The following GRIK2 variants were observed in gnomAD, a reference collection of about 807,000 sequenced individuals.
The protein encoded by GRIK2 is glutamate ionotropic receptor kainate type subunit 2.
A neutral mutation model predicts 100.3 loss-of-function variants in GRIK2; 32 were observed. The observed-to-expected ratio is 0.32, with a 90% CI of 0.24 to 0.43. The LOEUF (loss-of-function observed/expected upper bound fraction) is 0.43. Ranked by LOEUF, GRIK2 falls within the 20% of genes least tolerant of loss-of-function variation. The probability of loss-of-function intolerance (pLI) is 1.00; values close to 1 mark genes in which losing one functional copy is unlikely to be tolerated. For missense variants in GRIK2, 843 were observed against 1,114.9 expected (o/e 0.76, Z 3.47); for synonymous variants, 417 against 389.4 (o/e 1.07, Z -0.83).
chr6:101,419,863 T>C (rs568887776), intron 2 of GRIK2, among the ~76,000 whole-genome samples: 15 of 152,316 alleles, frequency 9.8e-5, no homozygotes, highest in African/African-American at 3.6e-4. Flanking sequence ...CCAAAGCAGG[T>C]GTTGCATGCT....
At chr6:101,613,675 A>T (rs1779775337) in intron 2 of GRIK2, among the ~76,000 whole-genome samples, 1 of 151,114 alleles carries the variant, frequency 6.6e-6, no homozygotes, top group South Asian at 2.1e-4. Context: ...ACATTAACTT[A>T]TGGAGCTGGC....
chr6:101,580,022 C>T (rs574685607), intron 2 of GRIK2, among the ~76,000 whole-genome samples: 5 of 152,162 alleles, frequency 3.3e-5, no homozygotes, highest in African/African-American at 9.6e-5. Context: ...TTGGAAAGCC[C>T]CAAGGCTTGA....
At chr6:101,404,429 C>T (rs1055923712) in intron 2 of GRIK2, among the ~76,000 whole-genome samples, 2 of 152,158 alleles carry the variant, frequency 1.3e-5, no homozygotes, top group African/African-American at 4.8e-5. Flanking sequence ...AAATGCCTTG[C>T]TCTTTTGTGG....
chr6:101,695,394 T>A (rs1440181023), intron 7 of GRIK2, among the ~76,000 whole-genome samples: 1 of 152,188 alleles, frequency 6.6e-6, no homozygotes, highest in African/African-American at 2.4e-5. Flanking sequence ...CCACACCTTT[T>A]AATTCTGTTT....
intron 7 of GRIK2, among the ~76,000 whole-genome samples, chr6:101,781,722 A>G (rs1365753234): frequency 6.6e-6 from 1 of 152,016 alleles, no homozygotes; most frequent in African/African-American, 2.4e-5. Context: ...TCCTGGATTT[A>G]TGCTATCTTA....
chr6:101,973,579 CA>C (rs974055337), intron 14 of GRIK2, among the ~76,000 whole-genome samples: 1 of 151,820 alleles, frequency 6.6e-6, no homozygotes, highest in African/African-American at 2.4e-5. Context: ...TTATGAACCT[CA>C]AGATGTTTAC....
intron 6 of GRIK2, among the ~76,000 whole-genome samples, chr6:101,685,632 A>C (rs1337425): frequency 0.05 from 7,670 of 152,206 alleles, 249 homozygotes; most frequent in East Asian, 0.14. Context: ...GGTGTGAGAC[A>C]TGAGATGAAG....
intron 14 of GRIK2, among the ~76,000 whole-genome samples, chr6:102,027,914 G>A (rs1769787280): frequency 6.6e-6 from 1 of 150,976 alleles, no homozygotes; most frequent in African/African-American, 2.4e-5. Context: ...CTATGCAAGT[G>A]GTTCAAGAGT....
chr6:101,633,331 A>ACTAC (rs1780853695), intron 4 of GRIK2, among the ~76,000 whole-genome samples: 1 of 152,140 alleles, frequency 6.6e-6, no homozygotes, highest in African/African-American at 2.4e-5. Context: ...TATTGTGGTT[A>ACTAC]CTACGGTCTT....
intron 11 of GRIK2, among the ~76,000 whole-genome samples, chr6:101,860,156 C>T (rs985204586): frequency 2.2e-4 from 34 of 151,594 alleles, no homozygotes; most frequent in African/African-American, 8.2e-4. Flanking sequence ...CTTGGTGGTA[C>T]AATATGAAGA....
At chr6:101,600,181 G>T (rs1404429536) in intron 2 of GRIK2, among the ~76,000 whole-genome samples, 1 of 151,730 alleles carries the variant, frequency 6.6e-6, no homozygotes, top group Non-Finnish European at 1.5e-5. Context: ...GCTTATTTTT[G>T]TCAACTTTGT....
intron 7 of GRIK2, among the ~76,000 whole-genome samples, chr6:101,718,708 A>T (rs1023303236): frequency 6.6e-6 from 1 of 151,896 alleles, no homozygotes; most frequent in Non-Finnish European, 1.5e-5. Flanking sequence ...GATATCAAAC[A>T]GTTCACCACC....
At chr6:101,902,602 A>G (rs1787922094) in intron 12 of GRIK2, among the ~76,000 whole-genome samples, 1 of 151,982 alleles carries the variant, frequency 6.6e-6, no homozygotes, top group South Asian at 2.1e-4. Flanking sequence ...CTTTAGCTAT[A>G]TGATGTTTTC....
intron 7 of GRIK2, among the ~76,000 whole-genome samples, chr6:101,784,314 A>C (rs773886326): frequency 1.8e-4 from 28 of 152,242 alleles, no homozygotes; most frequent in Non-Finnish European, 2.9e-4. Context: ...GCCAAGGTAC[A>C]GCTCGGGCTG....
intron 2 of GRIK2, among the ~76,000 whole-genome samples, chr6:101,497,865 A>T (rs1018942939): frequency 1.4e-4 from 21 of 148,300 alleles, no homozygotes; most frequent in East Asian, 9.8e-4. Flanking sequence ...AACCTTATTT[A>T]TTATTATTAT....
At chr6:101,742,118 C>CT (rs1365175238) in intron 7 of GRIK2, among the ~76,000 whole-genome samples, 2 of 152,288 alleles carry the variant, frequency 1.3e-5, no homozygotes, top group Admixed American at 6.5e-5. Context: ...TCAGAATATA[C>CT]TTTTTTCTAT....
At chr6:101,959,135 T>G (rs1410797727) in intron 14 of GRIK2, among the ~76,000 whole-genome samples, 1 of 152,092 alleles carries the variant, frequency 6.6e-6, no homozygotes, top group Non-Finnish European at 1.5e-5. Context: ...TCAATAAAAT[T>G]GATCAATTTT....
At chr6:101,694,520 TAAAGA>T (rs1046770591) in intron 7 of GRIK2, among the ~76,000 whole-genome samples, 1 of 152,068 alleles carries the variant, frequency 6.6e-6, no homozygotes, top group African/African-American at 2.4e-5. Context: ...TTGAAATTAT[TAAAGA>T]AGAGAGAGTA....
At chr6:101,948,657 T>C (rs1582596466) in intron 14 of GRIK2, among the ~76,000 whole-genome samples, 1 of 151,780 alleles carries the variant, frequency 6.6e-6, no homozygotes, top group Admixed American at 6.6e-5. Context: ...TTTAATTAAA[T>C]AGAGACAGGG....
Sources: gnomAD v4.1 joint callset for allele counts (sites outside exome capture counted in the v4.1 genomes callset) on GRCh38, gnomAD v4.1.1 for gene constraint, MANE v1.5 for transcripts, NCBI Gene and HGNC (gene_info 2026-07-23, HGNC 2026-07-21) for gene names.